The following OCA2 variants were observed in gnomAD, a reference collection of about 807,000 sequenced individuals.
The protein encoded by OCA2 is OCA2 melanosomal transmembrane protein, also known as P protein.
In OCA2, 77 loss-of-function variants were observed where a neutral mutation model predicts 100.2. The ratio of observed to expected loss-of-function variants is 0.77; its 90% CI spans 0.64 to 0.93. The LOEUF (loss-of-function observed/expected upper bound fraction) is 0.93, where lower values mean the gene tolerates loss of function less well. Ranked by LOEUF, OCA2 falls within the 40% of genes least tolerant of loss-of-function variation. The probability of loss-of-function intolerance (pLI) is 0.00; values close to 1 mark genes in which losing one functional copy is unlikely to be tolerated. For synonymous variants in OCA2, 432 were observed against 439.2 expected (o/e 0.98, Z 0.21); for missense variants, 1,062 against 1,089.1 (o/e 0.98, Z 0.35).
chr15:28,032,138 A>G lies in OCA2; in HGVS notation c.253T>C (p.Ser85Pro). 6.2e-7 allele frequency: 1 copy of G among 1,613,970 alleles called. No individual in the cohort carries two copies. Residue 85 changes from serine (S) to proline (P), a missense_variant, in exon 3 of 24, where the codon TCC becomes CCC. Physicochemically the swap from Ser to Pro is moderately conservative, Grantham distance 74. Transcript: ENST00000354638. Reference protein sequence around the residue: ...GRSHSSLPQMSSSRSKDSCFT... With the variant: ...GRSHSSLPQMPSSRSKDSCFT... ...CAGGAATCTTTAGACCTGGAGCTGG[A>G]CATCTGGGGCAAAGAAGAGTGAGAC...
intron 14 of OCA2, among the ~76,000 whole-genome samples, chr15:27,981,725 A>C (rs1004202394): frequency 1.3e-5 from 2 of 152,058 alleles, no homozygotes; most frequent in African/African-American, 2.4e-5. Context: ...GGTCTCATGT[A>C]GTCTCCTCGC....
intron 21 of OCA2, among the ~76,000 whole-genome samples, chr15:27,856,056 TGCCCCACTGGTGTCTGCGGCAATCCTG>T (rs2035937196): frequency 6.6e-6 from 1 of 152,164 alleles, no homozygotes; most frequent in East Asian, 1.9e-4. Context: ...GGTCCTTCCT[TGCCCCACTGGTGTCTGCGGCAATCCTG>T]GCCATCCTTG....
intron 2 of OCA2, among the ~76,000 whole-genome samples, chr15:28,056,350 T>G (rs960643479): frequency 6.6e-6 from 1 of 152,238 alleles, no homozygotes. Context: ...TACCACTGGC[T>G]GGATGGGAGA....
chr15:27,949,772 GTAT>G (rs779367732), intron 18 of OCA2, among the ~76,000 whole-genome samples: 1 of 152,206 alleles, frequency 6.6e-6, no homozygotes, highest in African/African-American at 2.4e-5. Flanking sequence ...GGAAGATCTT[GTAT>G]CCATTTTGCC....
chr15:27,999,704 A>T (rs1204182232), intron 9 of OCA2, among the ~76,000 whole-genome samples: 3 of 152,220 alleles, frequency 2.0e-5, no homozygotes, highest in Non-Finnish European at 2.9e-5. Context: ...ATGTGATCTT[A>T]TATATAGAAA....
chr15:28,084,813 C>T (rs1480751993), intron 1 of OCA2, among the ~76,000 whole-genome samples: 1 of 152,250 alleles, frequency 6.6e-6, no homozygotes, highest in East Asian at 1.9e-4. Context: ...CCCCAACAGG[C>T]TCCTGCATCC....
chr15:28,053,197 C>A lies in OCA2; in HGVS notation c.228-21034G>T, dbSNP rs2043571686. Reference sequence around the variant, plus strand: ...GAGAGGCTTGTGGCCACAGCGTCATCGTTACAGTCATTGGTACCTTTCCTT... The same window carrying A: ...GAGAGGCTTGTGGCCACAGCGTCATAGTTACAGTCATTGGTACCTTTCCTT... On this transcript the variant is annotated intron_variant, in intron 2 of 23. Coordinates refer to ENST00000354638, the MANE Select transcript of OCA2 (RefSeq NM_000275.3). Among the ~76,000 whole-genome samples the A allele has an allele frequency of 1.3e-5, 2 of 152,138 alleles. 1 individual carries two copies. The highest frequency in any genetic ancestry group is 4.1e-4 in the South Asian group (2 of 4,820).
intron 14 of OCA2, among the ~76,000 whole-genome samples, chr15:27,976,802 T>C (rs967600573): frequency 6.6e-6 from 1 of 152,336 alleles, no homozygotes; most frequent in Admixed American, 6.5e-5. Flanking sequence ...AAGCTTTGTA[T>C]AGAATTGGTA....
At chr15:27,814,944 A>G (rs936999683) in intron 23 of OCA2, among the ~76,000 whole-genome samples, 47 of 89,994 alleles carry the variant, frequency 5.2e-4, no homozygotes, top group African/African-American at 1.8e-3. Flanking sequence ...AGATAGATAG[A>G]TACAGAGATA....
chr15:27,936,238 A>G (rs1345089780), intron 18 of OCA2, among the ~76,000 whole-genome samples: 3 of 151,384 alleles, frequency 2.0e-5, no homozygotes, highest in East Asian at 4.3e-4. Context: ...CCTTGTGGGG[A>G]GCACCCACTC....
chr15:27,756,759 C>T (rs992147234), intron 23 of OCA2, among the ~76,000 whole-genome samples: 3 of 152,096 alleles, frequency 2.0e-5, no homozygotes, highest in Admixed American at 6.6e-5. Flanking sequence ...AATCTCAATC[C>T]GGGTGCTGAG....
At chr15:28,077,516 G>C (rs1450032047) in intron 2 of OCA2, among the ~76,000 whole-genome samples, 1 of 152,202 alleles carries the variant, frequency 6.6e-6, no homozygotes, top group Non-Finnish European at 1.5e-5. Flanking sequence ...AGGGGAAACA[G>C]CCCTGAGGAA....
At chr15:27,967,173 G>A (rs890275110) in intron 14 of OCA2, among the ~76,000 whole-genome samples, 1 of 152,046 alleles carries the variant, frequency 6.6e-6, no homozygotes, top group African/African-American at 2.4e-5. Flanking sequence ...CCTTTCCTCC[G>A]CACAGGCAGC....
intron 2 of OCA2, among the ~76,000 whole-genome samples, chr15:28,065,692 T>C (rs2044002675): frequency 6.6e-6 from 1 of 152,162 alleles, no homozygotes; most frequent in African/African-American, 2.4e-5. Context: ...GGGGATTATT[T>C]TGTATCTAAA....
the OCA2 span, among the ~76,000 whole-genome samples, chr15:27,736,634 C>G: frequency 6.6e-6 from 1 of 152,084 alleles, no homozygotes; most frequent in Non-Finnish European, 1.5e-5. Context: ...AGTATGTTTA[C>G]AAATAAATCT....
intron 21 of OCA2, among the ~76,000 whole-genome samples, chr15:27,852,508 C>T (rs1266746533): frequency 2.0e-5 from 3 of 152,288 alleles, no homozygotes; most frequent in Admixed American, 2.0e-4. Context: ...AGGACATAGG[C>T]ATGGGCAAGG....
intron 2 of OCA2, among the ~76,000 whole-genome samples, chr15:28,063,113 A>T (rs1454930456): frequency 2.0e-5 from 3 of 152,198 alleles, no homozygotes; most frequent in Admixed American, 6.5e-5. Context: ...AATGCCATTT[A>T]ACAATAGTAA....
At chr15:27,754,087 C>A (rs552188179), downstream of OCA2, among the ~76,000 whole-genome samples, 2 of 152,224 alleles carry the variant, frequency 1.3e-5, no homozygotes, top group African/African-American at 4.8e-5. Context: ...GGCAGGGGCT[C>A]CTCCGGGATA....
the OCA2 span, among the ~76,000 whole-genome samples, chr15:27,735,485 G>A: frequency 6.6e-6 from 1 of 152,016 alleles, no homozygotes; most frequent in East Asian, 1.9e-4. Flanking sequence ...CCTAGAGAAA[G>A]ATATAAATAA....
Sources: allele counts gnomAD v4.1 joint callset (sites outside exome capture counted in the v4.1 genomes callset), GRCh38; gene constraint gnomAD v4.1.1; transcripts MANE v1.5; gene names NCBI Gene and HGNC (gene_info 2026-07-23, HGNC 2026-07-21).